Variants in FHIT observed in about 807,000 individuals in gnomAD.
FHIT encodes fragile histidine triad diadenosine triphosphatase, also known as bis(5'-adenosyl)-triphosphatase.
FHIT carries 19 observed loss-of-function variants against 17.9 expected under a neutral mutation model. That is an observed-to-expected ratio of 1.06 (90% CI 0.74 to 1.56). The LOEUF (loss-of-function observed/expected upper bound fraction) is 1.56. Among genes scored for constraint, FHIT ranks in the 40% most tolerant of loss-of-function variants. FHIT has a pLI of 0.00. For synonymous variants in FHIT, 81 were observed against 69.7 expected (o/e 1.16, Z -0.81); for missense variants, 248 against 189.2 (o/e 1.31, Z -1.82).
At chr3:60,470,252 A>G (rs1364126256) in intron 5 of FHIT, among the ~76,000 whole-genome samples, 1 of 152,062 alleles carries the variant, frequency 6.6e-6, no homozygotes, top group Non-Finnish European at 1.5e-5. Context: ...GGGTTCTGCA[A>G]TAAGTATATG....
Position 60,754,157 on chromosome 3 carries a change from A to T in FHIT, c.-18+67762T>A, listed in dbSNP as rs2042524794. 2.6e-5 allele frequency among the ~76,000 whole-genome samples: 4 copies of T among 152,184 alleles called. 1 individual carries two copies. On this transcript the variant is annotated intron_variant, in intron 4 of 9. Coordinates refer to ENST00000492590, the MANE Select transcript of FHIT (RefSeq NM_002012.4). ...CAGGATAAGAAAACTTCTTCATTTG[A>T]TATTCTCCAATAATATCAAAACAAA...
chr3:60,175,213 G>A (rs1259173300), intron 5 of FHIT, among the ~76,000 whole-genome samples: 4 of 152,122 alleles, frequency 2.6e-5, no homozygotes, highest in Non-Finnish European at 5.9e-5. Context: ...TTAGAATCTA[G>A]ATAACCAGGA....
chr3:60,375,519 G>C (rs1700516638), intron 5 of FHIT, among the ~76,000 whole-genome samples: 1 of 152,068 alleles, frequency 6.6e-6, no homozygotes, highest in African/African-American at 2.4e-5. Flanking sequence ...AGGTTGCAGT[G>C]AGCAGAGATC....
At chr3:60,727,246 C>T (rs1577124069) in intron 4 of FHIT, among the ~76,000 whole-genome samples, 2 of 152,132 alleles carry the variant, frequency 1.3e-5, no homozygotes, top group Middle Eastern at 6.8e-3. Flanking sequence ...ATAATAAAAG[C>T]TCAGTATCAG....
At chr3:60,073,467 T>C (rs185631044) in intron 5 of FHIT, among the ~76,000 whole-genome samples, 18 of 152,256 alleles carry the variant, frequency 1.2e-4, no homozygotes, top group African/African-American at 3.1e-4. Flanking sequence ...TTAATGAATA[T>C]AGGCTCTCAT....
chr3:60,834,881 G>GAAAAAAAA (rs71092645), intron 3 of FHIT, among the ~76,000 whole-genome samples: 1 of 94,494 alleles, frequency 1.1e-5, no homozygotes, highest in Non-Finnish European at 2.2e-5. Flanking sequence ...GAAAAGAAAA[G>GAAAAAAAA]AAAAAAAAAA....
chr3:60,564,306 TACCTGGTC>T (rs1461048765), intron 4 of FHIT, among the ~76,000 whole-genome samples: 3 of 152,316 alleles, frequency 2.0e-5, no homozygotes, highest in African/African-American at 7.2e-5. Context: ...ACTGATGATG[TACCTGGTC>T]ACCCAAGGGC....
intron 5 of FHIT, among the ~76,000 whole-genome samples, chr3:60,132,102 C>T (rs903719633): frequency 3.3e-5 from 5 of 152,198 alleles, no homozygotes; most frequent in Admixed American, 1.3e-4. Context: ...ATCTTTCAGG[C>T]TGAGACAGAA....
Position 60,106,946 on chromosome 3 carries a change from C to T in FHIT, c.104-92794G>A, listed in dbSNP as rs150353924. Among the ~76,000 whole-genome samples the T allele has an allele frequency of 6.0e-3, 904 of 151,874 alleles. 10 individuals are homozygous for T. Among genetic ancestry groups the T allele is most frequent in the African/African-American group, 0.021 (866 of 41,442 alleles). Reference sequence around the variant, plus strand: ...TTGTGAAAACTGCTCTTTAAGGAAACGAAACTTTTTTATTGTAAGCCTTCC... The same window carrying T: ...TTGTGAAAACTGCTCTTTAAGGAAATGAAACTTTTTTATTGTAAGCCTTCC... On this transcript the variant is annotated intron_variant, in intron 5 of 9. Coordinates refer to ENST00000492590, the MANE Select transcript of FHIT (RefSeq NM_002012.4).
intron 8 of FHIT, among the ~76,000 whole-genome samples, chr3:59,890,297 C>G (rs1374427877): frequency 6.6e-6 from 1 of 152,098 alleles, no homozygotes; most frequent in Non-Finnish European, 1.5e-5. Context: ...ATAGCTGGTT[C>G]TCCATTTTCT....
chr3:60,645,707 T>C (rs1553686563), intron 4 of FHIT, among the ~76,000 whole-genome samples: 3 of 152,140 alleles, frequency 2.0e-5, no homozygotes. Context: ...CATTCTAACA[T>C]CCTACTACCT....
intron 8 of FHIT, among the ~76,000 whole-genome samples, chr3:59,753,928 C>G (rs914043459): frequency 1.3e-5 from 2 of 152,114 alleles, no homozygotes; most frequent in Non-Finnish European, 2.9e-5. Context: ...CTGTTCCACT[C>G]CATTTTGAAA....
chr3:60,399,689 C>A (rs898940456), intron 5 of FHIT, among the ~76,000 whole-genome samples: 1 of 152,022 alleles, frequency 6.6e-6, no homozygotes, highest in East Asian at 1.9e-4. Context: ...ATTTACTTCC[C>A]TCTAGACTAT....
chr3:60,052,488 C>G (rs1296464508), intron 5 of FHIT, among the ~76,000 whole-genome samples: 1 of 152,070 alleles, frequency 6.6e-6, no homozygotes, highest in Non-Finnish European at 1.5e-5. Context: ...AACTTGTCTA[C>G]AGTTTTTCTT....
intron 5 of FHIT, among the ~76,000 whole-genome samples, chr3:60,035,082 C>A (rs1701158919): frequency 6.6e-6 from 1 of 152,184 alleles, no homozygotes; most frequent in Non-Finnish European, 1.5e-5. Flanking sequence ...AAACCTGAGT[C>A]AGAGGATCAA....
At chr3:60,347,989 C>A (rs527387474) in intron 5 of FHIT, among the ~76,000 whole-genome samples, 2 of 152,224 alleles carry the variant, frequency 1.3e-5, no homozygotes, top group East Asian at 3.9e-4. Context: ...AAACTCCTCA[C>A]CTCAGTTGAT....
chr3:60,676,581 T>C (rs1553695468), intron 4 of FHIT, among the ~76,000 whole-genome samples: 1 of 152,204 alleles, frequency 6.6e-6, no homozygotes, highest in African/African-American at 2.4e-5. Flanking sequence ...AAATGCCTAA[T>C]GTGTCACCTA....
intron 3 of FHIT, among the ~76,000 whole-genome samples, chr3:60,995,283 G>A (rs2030582065): frequency 6.6e-6 from 1 of 152,112 alleles, no homozygotes; most frequent in Non-Finnish European, 1.5e-5. Context: ...TCGTGCCACT[G>A]CACTCCAGCC....
At chr3:60,482,764 A>G (rs776980593) in intron 5 of FHIT, among the ~76,000 whole-genome samples, 21 of 152,088 alleles carry the variant, frequency 1.4e-4, no homozygotes, top group Non-Finnish European at 2.4e-4. Flanking sequence ...TCACAATTAA[A>G]AGAGCTAGAG....
Sources: gnomAD v4.1 joint callset for allele counts (sites outside exome capture counted in the v4.1 genomes callset) on GRCh38, gnomAD v4.1.1 for gene constraint, MANE v1.5 for transcripts, NCBI Gene and HGNC (gene_info 2026-07-23, HGNC 2026-07-21) for gene names.